Variants in TOM1L2 observed in about 807,000 individuals in gnomAD.
TOM1L2 encodes target of myb1 like 2 membrane trafficking protein.
TOM1L2 carries 31 observed loss-of-function variants against 67.9 expected under a neutral mutation model. The ratio of observed to expected loss-of-function variants is 0.46; its 90% CI spans 0.34 to 0.62. The LOEUF is 0.62. Ranked by LOEUF, TOM1L2 falls within the 20% of genes least tolerant of loss-of-function variation. The pLI is 0.01. For missense variants in TOM1L2, 606 were observed against 663.5 expected (o/e 0.91, Z 0.95); for synonymous variants, 256 against 254.0 (o/e 1.01, Z -0.07).
intron 1 of TOM1L2, among the ~76,000 whole-genome samples, chr17:17,953,927 C>A (rs531841157): frequency 5.3e-5 from 8 of 152,240 alleles, no homozygotes; most frequent in Non-Finnish European, 1.0e-4. Context: ...TCCCTTGTAC[C>A]CTGTACAGTT....
intron 1 of TOM1L2, among the ~76,000 whole-genome samples, chr17:17,954,845 C>T (rs2041361804): frequency 6.6e-6 from 1 of 152,194 alleles, no homozygotes; most frequent in Non-Finnish European, 1.5e-5. Flanking sequence ...ATGCTAAACA[C>T]ATTATGAAAA....
At chr17:17,960,307 T>C (rs1284879679) in intron 1 of TOM1L2, among the ~76,000 whole-genome samples, 1 of 152,196 alleles carries the variant, frequency 6.6e-6, no homozygotes, top group Non-Finnish European at 1.5e-5. Flanking sequence ...CTGCCACTGA[T>C]AATCCACAGA....
chr17:17,936,593 A>G (rs2040523368), intron 1 of TOM1L2, among the ~76,000 whole-genome samples: 1 of 152,200 alleles, frequency 6.6e-6, no homozygotes, highest in African/African-American at 2.4e-5. Context: ...AATAATCTAA[A>G]TGTCCAACAT....
chr17:17,926,701 T>C (rs2040099309), intron 1 of TOM1L2, among the ~76,000 whole-genome samples: 1 of 151,834 alleles, frequency 6.6e-6, no homozygotes, highest in African/African-American at 2.4e-5. Flanking sequence ...TTACAAAATA[T>C]ACAAAAATTA....
chr17:17,857,694 A>G, intron 12 of TOM1L2: 1 of 1,320,060 alleles, frequency 7.6e-7, no homozygotes, highest in Non-Finnish European at 1.0e-6. Flanking sequence ...GCAGGTCACA[A>G]GAGGAAGACA....
intron 1 of TOM1L2, among the ~76,000 whole-genome samples, chr17:17,967,161 C>T (rs1255819450): frequency 6.6e-6 from 1 of 152,176 alleles, no homozygotes; most frequent in East Asian, 1.9e-4. Flanking sequence ...CCAGGTTAAA[C>T]GTCTACCATT....
At chr17:17,857,860 GAA>G (rs1465329699) in intron 12 of TOM1L2, 2 of 1,535,452 alleles carry the variant, frequency 1.3e-6, no homozygotes, top group Non-Finnish European at 1.7e-6. Flanking sequence ...AAAAGTCTCA[GAA>G]AGAAAAGTCA....
rs1303801838 is a variant in TOM1L2 at position 17,853,889 on chromosome 17, AT to A, written c.1279-2938del. On this transcript the variant is annotated intron_variant, in intron 12 of 14. Transcript: ENST00000379504. ...ATTTCCTCATCTGTGAAATAAGGCGATTGCTAGATTGTATTTGGCTTTCAAT... is the reference window on the plus strand; with the variant it reads ...ATTTCCTCATCTGTGAAATAAGGCGATGCTAGATTGTATTTGGCTTTCAAT... 2.0e-5 allele frequency among the ~76,000 whole-genome samples: 3 copies of A among 152,246 alleles called. No individual in the cohort carries two copies. The East Asian group carries it at 5.8e-4, about 29-fold the overall frequency.
At chr17:17,864,069 A>G (rs2036708331) in intron 10 of TOM1L2, among the ~76,000 whole-genome samples, 4 of 152,026 alleles carry the variant, frequency 2.6e-5, no homozygotes, top group Admixed American at 2.0e-4. Flanking sequence ...AGGTTTTGCT[A>G]TGTTGCCCAG....
chr17:17,863,000 A>G, intron 10 of TOM1L2, 152 bp from the exon 11 acceptor site: 1 of 648,898 alleles, frequency 1.5e-6, no homozygotes, highest in Non-Finnish European at 2.7e-6. Flanking sequence ...AGTGCACCAC[A>G]TGCCGGAGGA....
intron 14 of TOM1L2, 47 bp downstream of exon 14, chr17:17,848,776 C>T: frequency 6.2e-7 from 1 of 1,608,432 alleles, no homozygotes. Context: ...GTGCAGCCTG[C>T]ACAGAGGCAA....
chr17:17,866,988 G>T, intron 8 of TOM1L2, 64 bp from the exon 9 acceptor site: 2 of 1,492,746 alleles, frequency 1.3e-6, no homozygotes, highest in Admixed American at 3.3e-5. Context: ...CCTGTGGGGT[G>T]CTCACTAGTC....
chr17:17,851,213 G>A (rs76962986), intron 12 of TOM1L2: 14 of 506,998 alleles, frequency 2.8e-5, no homozygotes, highest in African/African-American at 7.7e-5. Context: ...GGCTGTACGC[G>A]TTCTTGAAAT....
At chr17:17,876,389 C>T (rs973450135) in intron 7 of TOM1L2, among the ~76,000 whole-genome samples, 1 of 152,164 alleles carries the variant, frequency 6.6e-6, no homozygotes, top group African/African-American at 2.4e-5. Flanking sequence ...TGGTGGGCTG[C>T]CAAATGCTGC....
At chr17:17,880,212 CA>C (rs1343189291) in intron 6 of TOM1L2, among the ~76,000 whole-genome samples, 4 of 152,228 alleles carry the variant, frequency 2.6e-5, no homozygotes, top group Non-Finnish European at 5.9e-5. Flanking sequence ...AGGAGTTTTA[CA>C]TCTAAACACT....
intron 13 of TOM1L2, among the ~76,000 whole-genome samples, chr17:17,849,255 G>T (rs2035825509): frequency 6.6e-6 from 1 of 152,204 alleles, no homozygotes; most frequent in African/African-American, 2.4e-5. Context: ...AGCACACACA[G>T]GGTCACGTGT....
In TOM1L2 at chr17:17,850,964, G is replaced by A; in HGVS notation, c.1279-12C>T. On this transcript the variant is annotated splice_polypyrimidine_tract_variant and intron_variant, in intron 12 of 14. Transcript: ENST00000379504. ...TGCGCAACGGGGATCTATGGAGGCG[G>A]CAAGCAGCGGGCCAGGCAGCCCCCA... 1 of 1,613,488 alleles carries A rather than the reference G, an allele frequency of 6.2e-7. No homozygotes were observed. The highest frequency in any genetic ancestry group is 8.5e-7 in the Non-Finnish European group (1 of 1,179,988).
At chr17:17,876,833 G>A (rs1437304838) in intron 7 of TOM1L2, among the ~76,000 whole-genome samples, 1 of 152,234 alleles carries the variant, frequency 6.6e-6, no homozygotes, top group Non-Finnish European at 1.5e-5. Flanking sequence ...CCATTTGAAA[G>A]CAAGAGGGCT....
chr17:17,875,269 G>GA (rs34681423), intron 7 of TOM1L2, among the ~76,000 whole-genome samples: 188 of 126,598 alleles, frequency 1.5e-3, no homozygotes, highest in East Asian at 3.6e-3. Flanking sequence ...AAGAAAAAAA[G>GA]AAAAAAAAAA....
Sources: allele counts gnomAD v4.1 joint callset (sites outside exome capture counted in the v4.1 genomes callset), GRCh38; gene constraint gnomAD v4.1.1; transcripts MANE v1.5; gene names NCBI Gene and HGNC (gene_info 2026-07-23, HGNC 2026-07-21).